Variants in DPYD observed in about 807,000 individuals in gnomAD.
The protein encoded by DPYD is dihydropyrimidine dehydrogenase [NADP(+)].
In DPYD, 109 loss-of-function variants were observed where a neutral mutation model predicts 116.2. The ratio of observed to expected loss-of-function variants is 0.94; its 90% CI spans 0.80 to 1.10. DPYD has a LOEUF of 1.10. Among genes scored for constraint, DPYD ranks in the 50% least tolerant of loss-of-function variants. The pLI is 0.00. For missense variants in DPYD, 1,302 were observed against 1,254.5 expected, an observed-to-expected ratio of 1.04 and a Z score of -0.57; for synonymous variants, 440 against 432.0, an observed-to-expected ratio of 1.02 and a Z score of -0.23.
chr1:97,750,757 T>C (rs1160619170), intron 3 of DPYD, among the ~76,000 whole-genome samples: 1 of 152,192 alleles, frequency 6.6e-6, no homozygotes, highest in South Asian at 2.1e-4. Flanking sequence ...CAAGTATACA[T>C]GGGCTTTTGT....
intron 12 of DPYD, among the ~76,000 whole-genome samples, chr1:97,527,148 G>A (rs532409591): frequency 7.9e-5 from 12 of 151,028 alleles, no homozygotes; most frequent in South Asian, 4.2e-4. Flanking sequence ...GCGTGATCTC[G>A]GCTCACTGCA....
chr1:97,453,234 G>A (rs1338363971), intron 13 of DPYD, among the ~76,000 whole-genome samples: 2 of 151,984 alleles, frequency 1.3e-5, no homozygotes, highest in Non-Finnish European at 2.9e-5. Flanking sequence ...GCTGGGTATC[G>A]CTGATCTCTA....
chr1:97,353,762 C>T (rs895679121), intron 16 of DPYD, among the ~76,000 whole-genome samples: 15 of 151,600 alleles, frequency 9.9e-5, no homozygotes, highest in East Asian at 5.9e-4. Flanking sequence ...CTGGACTTTT[C>T]GGTAGTATTT....
intron 18 of DPYD, among the ~76,000 whole-genome samples, chr1:97,280,681 T>C (rs920329534): frequency 1.3e-4 from 20 of 151,892 alleles, no homozygotes; most frequent in Non-Finnish European, 2.4e-4. Flanking sequence ...ATGTGGAATC[T>C]GAAAAAGTTG....
At chr1:97,893,168 C>A (rs1352057570) in intron 1 of DPYD, among the ~76,000 whole-genome samples, 2 of 151,314 alleles carry the variant, frequency 1.3e-5, no homozygotes, top group South Asian at 4.2e-4. Flanking sequence ...ACATGGGAAT[C>A]ATATTTTTAA....
intron 16 of DPYD, among the ~76,000 whole-genome samples, chr1:97,326,891 A>C (rs1444165561): frequency 6.6e-6 from 1 of 152,088 alleles, no homozygotes; most frequent in Non-Finnish European, 1.5e-5. Flanking sequence ...ATCATTTTAC[A>C]GTTCTCACAA....
Position 97,721,558 on chromosome 1 carries a change from A to G in DPYD, c.435T>C (p.Thr145=). The change falls in exon 5 of 23, where the codon ACT becomes ACC. Residue 145 remains threonine, a synonymous_variant. Transcript: ENST00000370192. ...LCVGGCNLYA[T]EEGPINIGGL... ...CACCAATATTAATGGGTCCCTCTTCAGTGGCATATAAATTGCATCCACCTA... is the reference window on the plus strand; with the variant it reads ...CACCAATATTAATGGGTCCCTCTTCGGTGGCATATAAATTGCATCCACCTA... 6.2e-7 allele frequency: 1 copy of G among 1,611,870 alleles called. No homozygotes were observed. Among genetic ancestry groups the G allele is most frequent in the Non-Finnish European group, 8.5e-7 (1 of 1,178,470 alleles).
intron 10 of DPYD, among the ~76,000 whole-genome samples, chr1:97,587,704 G>A (rs969456588): frequency 2.3e-4 from 35 of 151,678 alleles, no homozygotes; most frequent in African/African-American, 7.3e-4. Context: ...GTGGGCGCCT[G>A]TAGTCCCAGC....
intron 13 of DPYD, among the ~76,000 whole-genome samples, chr1:97,514,819 A>G (rs1648089598): frequency 6.6e-6 from 1 of 151,856 alleles, no homozygotes; most frequent in Admixed American, 6.6e-5. Flanking sequence ...TTTAGCCATA[A>G]TAATGCCAGC....
chr1:97,899,089 G>GTGTTT (rs890627271), intron 1 of DPYD, among the ~76,000 whole-genome samples: 1 of 151,352 alleles, frequency 6.6e-6, no homozygotes, highest in Non-Finnish European at 1.5e-5. Context: ...TCAGACAAGA[G>GTGTTT]TGTTTTGTTT....
chr1:97,336,468 G>A (rs982405765), intron 16 of DPYD, among the ~76,000 whole-genome samples: 6 of 152,194 alleles, frequency 3.9e-5, no homozygotes, highest in Non-Finnish European at 5.9e-5. Context: ...AGGAAAGAAG[G>A]CTGGGTGTGA....
At chr1:97,696,395 A>G (rs925504358) in intron 6 of DPYD, among the ~76,000 whole-genome samples, 2 of 152,136 alleles carry the variant, frequency 1.3e-5, no homozygotes, top group Non-Finnish European at 2.9e-5. Context: ...ATAGAGAAAG[A>G]GGTCAGGGCA....
At chr1:97,118,519 C>T (rs1297354210) in intron 20 of DPYD, among the ~76,000 whole-genome samples, 1 of 152,010 alleles carries the variant, frequency 6.6e-6, no homozygotes, top group Non-Finnish European at 1.5e-5. Context: ...GGGGCAGGAA[C>T]TGAGGAGGGC....
chr1:97,253,788 C>T (rs933532763), intron 18 of DPYD, among the ~76,000 whole-genome samples: 5 of 151,978 alleles, frequency 3.3e-5, no homozygotes, highest in African/African-American at 1.2e-4. Flanking sequence ...AAAAATAAAC[C>T]TTTATTTTTA....
At chr1:97,794,329 T>TA (rs1667463401) in intron 3 of DPYD, among the ~76,000 whole-genome samples, 1 of 152,138 alleles carries the variant, frequency 6.6e-6, no homozygotes, top group Non-Finnish European at 1.5e-5. Context: ...GAATCCATAA[T>TA]ATTGTTTAAA....
At chr1:97,433,318 G>A (rs1675286221) in intron 14 of DPYD, among the ~76,000 whole-genome samples, 1 of 152,086 alleles carries the variant, frequency 6.6e-6, no homozygotes, top group Non-Finnish European at 1.5e-5. Flanking sequence ...TGCAGAGATG[G>A]TCCGTGCCTG....
chr1:97,757,915 C>T (rs1201965926), intron 3 of DPYD, among the ~76,000 whole-genome samples: 1 of 152,080 alleles, frequency 6.6e-6, no homozygotes, highest in Non-Finnish European at 1.5e-5. Context: ...CAAATGAATA[C>T]CCAATAAGGC....
chr1:97,487,455 C>G (rs907541070), intron 13 of DPYD, among the ~76,000 whole-genome samples: 1 of 152,016 alleles, frequency 6.6e-6, no homozygotes, highest in African/African-American at 2.4e-5. Flanking sequence ...GGGCGGATCA[C>G]GAGGTCAGGA....
chr1:97,445,951 T>A (rs1676062924), intron 14 of DPYD, among the ~76,000 whole-genome samples: 1 of 152,110 alleles, frequency 6.6e-6, no homozygotes, highest in Non-Finnish European at 1.5e-5. Context: ...GGTCACAAAC[T>A]CCTGACCTCA....
Sources: gnomAD v4.1 joint callset for allele counts (sites outside exome capture counted in the v4.1 genomes callset) on GRCh38, gnomAD v4.1.1 for gene constraint, MANE v1.5 for transcripts, NCBI Gene and HGNC (gene_info 2026-07-23, HGNC 2026-07-21) for gene names.